Variants in RFX3 observed in about 807,000 individuals in gnomAD.
The protein encoded by RFX3 is transcription factor RFX3.
RFX3 carries 14 observed loss-of-function variants against 98.6 expected under a neutral mutation model. The observed-to-expected ratio is 0.14, with a 90% CI of 0.09 to 0.22. The LOEUF is 0.22. Among genes scored for constraint, RFX3 ranks in the 10% least tolerant of loss-of-function variants. RFX3 has a pLI of 1.00. For missense variants in RFX3, 639 were observed against 926.9 expected (o/e 0.69, Z 4.03); for synonymous variants, 383 against 328.4 (o/e 1.17, Z -1.80).
intron 1 of RFX3, chr9:3,524,650 T>C: frequency 1.0e-6 from 1 of 981,554 alleles, no homozygotes; most frequent in Non-Finnish European, 1.2e-6. Context: ...TCCCTGTTCA[T>C]CACAAAGTCT....
intron 4 of RFX3, among the ~76,000 whole-genome samples, chr9:3,325,489 C>T (rs1467238824): frequency 6.6e-6 from 1 of 152,006 alleles, no homozygotes; most frequent in Admixed American, 6.6e-5. Context: ...TGGCTGGGAT[C>T]TAATGTTAGC....
At chr9:3,324,302 T>A (rs1221440086) in intron 4 of RFX3, among the ~76,000 whole-genome samples, 1 of 152,156 alleles carries the variant, frequency 6.6e-6, no homozygotes, top group East Asian at 1.9e-4. Flanking sequence ...ACTTCTAACT[T>A]AAAATTTCTT....
At chr9:3,372,109 T>C (rs189152035) in intron 2 of RFX3, among the ~76,000 whole-genome samples, 4 of 152,194 alleles carry the variant, frequency 2.6e-5, no homozygotes, top group South Asian at 2.1e-4. Flanking sequence ...AGCAACTGTA[T>C]TTCTTTGCCT....
intron 2 of RFX3, among the ~76,000 whole-genome samples, chr9:3,382,641 A>C (rs182221350): frequency 9.8e-4 from 149 of 152,282 alleles, no homozygotes; most frequent in African/African-American, 3.3e-3. Context: ...AAGTAGTCCA[A>C]TTGTACCACC....
At chr9:3,356,998 CTCAG>C (rs1262302009) in intron 2 of RFX3, among the ~76,000 whole-genome samples, 1 of 150,626 alleles carries the variant, frequency 6.6e-6, no homozygotes, top group Non-Finnish European at 1.5e-5. Context: ...CACACACACA[CTCAG>C]TAAGCTAAGG....
At chr9:3,379,255 C>A (rs1838910281) in intron 2 of RFX3, among the ~76,000 whole-genome samples, 1 of 152,124 alleles carries the variant, frequency 6.6e-6, no homozygotes, top group South Asian at 2.1e-4. Context: ...GGTACATGGG[C>A]TAGGAGAGTG....
intron 9 of RFX3, among the ~76,000 whole-genome samples, chr9:3,273,583 G>A (rs1392725018): frequency 6.6e-6 from 1 of 151,980 alleles, no homozygotes; most frequent in African/African-American, 2.4e-5. Flanking sequence ...TCCATTATAG[G>A]GTGGGCACAG....
At chr9:3,291,227 T>C (rs1353210804) in intron 6 of RFX3, among the ~76,000 whole-genome samples, 1 of 151,836 alleles carries the variant, frequency 6.6e-6, no homozygotes, top group Non-Finnish European at 1.5e-5. Context: ...TATCTGGGCG[T>C]GGTGGAGTGG....
At chr9:3,320,892 G>A (rs2130737971) in intron 4 of RFX3, among the ~76,000 whole-genome samples, 1 of 149,998 alleles carries the variant, frequency 6.7e-6, no homozygotes, top group East Asian at 2.0e-4. Context: ...CCCTGCTGAT[G>A]GATAAGGCAG....
chr9:3,286,654 T>C (rs59905189), intron 7 of RFX3, among the ~76,000 whole-genome samples: 187 of 152,048 alleles, frequency 1.2e-3, no homozygotes, highest in African/African-American at 4.2e-3. Flanking sequence ...AAGCCTTACA[T>C]AGCTTCAAAG....
intron 2 of RFX3, among the ~76,000 whole-genome samples, chr9:3,373,848 G>A (rs1838127405): frequency 6.6e-6 from 1 of 152,202 alleles, no homozygotes; most frequent in Non-Finnish European, 1.5e-5. Context: ...GGAGGCAGAG[G>A]CAGGCAGATC....
chr9:3,456,849 T>C (rs1847204213), intron 1 of RFX3, among the ~76,000 whole-genome samples: 1 of 151,850 alleles, frequency 6.6e-6, no homozygotes, highest in Admixed American at 6.6e-5. Context: ...TAATCATCAG[T>C]TAAAGAATTG....
chr9:3,502,047 C>T (rs1265985035), intron 1 of RFX3, among the ~76,000 whole-genome samples: 1 of 150,808 alleles, frequency 6.6e-6, no homozygotes, highest in Non-Finnish European at 1.5e-5. Flanking sequence ...GTCAGGAGAT[C>T]GAGACCATTC....
At chr9:3,349,855 A>T (rs1399383072) in intron 2 of RFX3, among the ~76,000 whole-genome samples, 1 of 152,146 alleles carries the variant, frequency 6.6e-6, no homozygotes, top group Non-Finnish European at 1.5e-5. Context: ...AAAGGAATAT[A>T]TTCCTTTTGA....
chr9:3,305,779 T>C (rs1378829116), intron 4 of RFX3, among the ~76,000 whole-genome samples: 1 of 151,994 alleles, frequency 6.6e-6, no homozygotes, highest in African/African-American at 2.4e-5. Context: ...TGTTAGTGAA[T>C]TAGGATAAGT....
At position 3,301,576 on chromosome 9, in the gene RFX3, G is replaced by T; in HGVS notation, c.519C>A (p.Ser173=). 2 of 1,601,378 alleles carry T rather than the reference G, an allele frequency of 1.2e-6. No individual in the cohort carries two copies. The highest frequency in any genetic ancestry group is 1.7e-6 in the Non-Finnish European group (2 of 1,171,228). Residue 173 remains serine (S), a synonymous_variant, in exon 5 of 17, where the codon TCC becomes TCA. Transcript: ENST00000617270. ...IETLQKSDGL[S]THRSSLLNSH... is the part of the protein sequence containing the mutation. ...TGTTGAGAAGAGAGCTTCTGTGAGT[G>T]GACAGACCGTCAGACTTTTGCAGCG...
At chr9:3,352,971 G>C (rs945176368) in intron 2 of RFX3, among the ~76,000 whole-genome samples, 2 of 151,844 alleles carry the variant, frequency 1.3e-5, no homozygotes, top group Admixed American at 6.6e-5. Context: ...TGATAGACTG[G>C]ATTAAGAAAA....
At chr9:3,427,105 A>T (rs1445116627) in intron 1 of RFX3, among the ~76,000 whole-genome samples, 1 of 151,238 alleles carries the variant, frequency 6.6e-6, no homozygotes, top group Non-Finnish European at 1.5e-5. Flanking sequence ...AAACTCAACA[A>T]CTAGGCCATC....
At chr9:3,500,221 A>G (rs544448474) in intron 1 of RFX3, among the ~76,000 whole-genome samples, 2 of 152,304 alleles carry the variant, frequency 1.3e-5, no homozygotes, top group East Asian at 3.9e-4. Flanking sequence ...CAAGAAGAGA[A>G]TGGGTTCACT....
Sources: allele counts gnomAD v4.1 joint callset (sites outside exome capture counted in the v4.1 genomes callset), GRCh38; gene constraint gnomAD v4.1.1; transcripts MANE v1.5; gene names NCBI Gene and HGNC (gene_info 2026-07-23, HGNC 2026-07-21).